SAMMSON: variants seen among roughly 807,000 people sequenced by gnomAD.
SAMMSON encodes long intergenic non-protein coding RNA 1212.
At chr3:70,341,284 G>A (rs1221422678) in intron 7 of SAMMSON, among the ~76,000 whole-genome samples, 2 of 152,060 alleles carry the variant, frequency 1.3e-5, no homozygotes, top group Non-Finnish European at 2.9e-5. Context: ...CACATGCAGT[G>A]ACCAATTCTG....
chr3:70,294,419 G>A (rs1039743192), intron 7 of SAMMSON, among the ~76,000 whole-genome samples: 1 of 151,964 alleles, frequency 6.6e-6, no homozygotes, highest in Non-Finnish European at 1.5e-5. Flanking sequence ...TAGGTACGTA[G>A]GAGAATATAG....
chr3:70,159,653 G>A (rs922782101), intron 4 of SAMMSON: 1 of 151,656 alleles, frequency 6.6e-6, no homozygotes, highest in Non-Finnish European at 1.5e-5. Flanking sequence ...CCACCTCTTG[G>A]GTTCAAGCGA....
chr3:70,129,673 C>T (rs1230651549), intron 4 of SAMMSON, among the ~76,000 whole-genome samples: 1 of 152,042 alleles, frequency 6.6e-6, no homozygotes, highest in Non-Finnish European at 1.5e-5. Flanking sequence ...ATGAAACTAA[C>T]CCTAATTAAA....
chr3:70,072,264 A>G (rs769450431), intron 4 of SAMMSON: 3 of 152,000 alleles, frequency 2.0e-5, no homozygotes, highest in African/African-American at 4.8e-5. Flanking sequence ...AGTCTAAGGT[A>G]TTCTTAATTC....
intron 9 of SAMMSON, among the ~76,000 whole-genome samples, chr3:70,363,223 A>G (rs577003851): frequency 1.9e-4 from 29 of 152,228 alleles, no homozygotes; most frequent in Middle Eastern, 3.4e-3. Flanking sequence ...AGCTAACATC[A>G]TACTGAATGG....
intron 3 of SAMMSON, among the ~76,000 whole-genome samples, chr3:70,026,754 A>G (rs1385504445): frequency 1.3e-5 from 2 of 152,226 alleles, no homozygotes; most frequent in Non-Finnish European, 2.9e-5. Context: ...AAGTTTCTGA[A>G]CTGGTTAGCA....
rs576373171 is a variant in SAMMSON at position 70,118,057 on chromosome 3, A to G, written n.507+46492A>G. The stretch of plus-strand genomic sequence containing the variant: ...CTCAGCCTCGCAAGTAGCTGGGATT[A>G]CAGGCACCCCACCACCACGCCCGGC... On this transcript the variant is annotated intron_variant and non_coding_transcript_variant, in intron 4 of 9. Coordinates refer to ENST00000642114, the Ensembl canonical transcript of SAMMSON. Among the ~76,000 whole-genome samples, 518 of 152,156 alleles carry G rather than the reference A, an allele frequency of 3.4e-3. 1 individual carries two copies. The highest frequency in any genetic ancestry group is 0.012 in the African/African-American group (501 of 41,506).
At position 70,154,530 on chromosome 3, in the gene SAMMSON, G is replaced by T. The variant is rs138050848; in HGVS notation, n.507+82965G>T. 1.1e-4 allele frequency among the ~76,000 whole-genome samples: 17 copies of T among 152,118 alleles called. No individual in the cohort carries two copies. In the South Asian group the frequency reaches 2.7e-3, roughly 24 times the overall value. On this transcript the variant is annotated intron_variant and non_coding_transcript_variant, in intron 4 of 9. Coordinates refer to ENST00000642114, the Ensembl canonical transcript of SAMMSON. ...AATTGATCTGGGGTTGGGTCTGAGCGCTCATCAGCTGTTAAATCTCCTCCA... is the reference window on the plus strand; with the variant it reads ...AATTGATCTGGGGTTGGGTCTGAGCTCTCATCAGCTGTTAAATCTCCTCCA...
intron 2 of SAMMSON, among the ~76,000 whole-genome samples, chr3:70,403,252 G>A (rs921777538): frequency 2.0e-5 from 3 of 152,266 alleles, no homozygotes; most frequent in East Asian, 3.9e-4. Flanking sequence ...GTTTACAGCA[G>A]GGAAGCCAAA....
At chr3:70,117,894 G>T (rs2067417625) in intron 4 of SAMMSON, among the ~76,000 whole-genome samples, 1 of 151,888 alleles carries the variant, frequency 6.6e-6, no homozygotes, top group South Asian at 2.1e-4. Flanking sequence ...TTGTCCTCTG[G>T]ATAATTTTTT....
intron 4 of SAMMSON, among the ~76,000 whole-genome samples, chr3:70,128,324 C>A (rs2067467703): frequency 6.6e-6 from 1 of 152,148 alleles, no homozygotes; most frequent in South Asian, 2.1e-4. Flanking sequence ...GATAAGTTCA[C>A]CTTGACGGTC....
At chr3:70,343,004 G>A (rs6780990) in intron 7 of SAMMSON, among the ~76,000 whole-genome samples, 1 of 152,166 alleles carries the variant, frequency 6.6e-6, no homozygotes, top group East Asian at 1.9e-4. Flanking sequence ...TGCCAAGGAA[G>A]ATAGAATTGG....
At chr3:70,321,218 C>G (rs541859545) in intron 7 of SAMMSON, among the ~76,000 whole-genome samples, 1 of 152,162 alleles carries the variant, frequency 6.6e-6, no homozygotes, top group African/African-American at 2.4e-5. Flanking sequence ...CTGCATCACC[C>G]CAACATTTCC....
chr3:70,333,697 A>G (rs1325121002), intron 7 of SAMMSON, among the ~76,000 whole-genome samples: 2 of 152,148 alleles, frequency 1.3e-5, no homozygotes, highest in African/African-American at 4.8e-5. Flanking sequence ...ATTTCTCCAA[A>G]TTACCTTACG....
chr3:70,145,511 A>G (rs905521270), intron 4 of SAMMSON, among the ~76,000 whole-genome samples: 1 of 152,114 alleles, frequency 6.6e-6, no homozygotes, highest in African/African-American at 2.4e-5. Flanking sequence ...CTCTCTGAAT[A>G]CAATGTATAA....
chr3:70,113,870 G>A (rs533647253), intron 4 of SAMMSON, among the ~76,000 whole-genome samples: 1 of 152,218 alleles, frequency 6.6e-6, no homozygotes, highest in East Asian at 1.9e-4. Flanking sequence ...CTCTCTCTCA[G>A]CCATGTGAGT....
intron 3 of SAMMSON, among the ~76,000 whole-genome samples, chr3:70,034,598 CT>C (rs1467148497): frequency 5.9e-5 from 9 of 152,288 alleles, no homozygotes; most frequent in African/African-American, 1.9e-4. Context: ...AATCCCAGCA[CT>C]TTGGGAGGCC....
chr3:70,153,472 T>A (rs1414914173), intron 4 of SAMMSON, among the ~76,000 whole-genome samples: 1 of 151,876 alleles, frequency 6.6e-6, no homozygotes, highest in Non-Finnish European at 1.5e-5. Context: ...TTGGGTCAAT[T>A]TCCCATTGTA....
At chr3:70,214,621 T>A (rs1355725406) in intron 4 of SAMMSON, among the ~76,000 whole-genome samples, 3 of 150,226 alleles carry the variant, frequency 2.0e-5, no homozygotes, top group Admixed American at 6.6e-5. Context: ...TTTTTTTTTT[T>A]ATCTAACTAT....
Sources: gnomAD v4.1 joint callset for allele counts (sites outside exome capture counted in the v4.1 genomes callset) on GRCh38, gnomAD v4.1.1 for gene constraint, MANE v1.5 for transcripts, NCBI Gene and HGNC (gene_info 2026-07-23, HGNC 2026-07-21) for gene names.